Variants in SEC23IP observed in about 807,000 individuals in gnomAD.
SEC23IP encodes the protein SEC23-interacting protein.
A neutral mutation model predicts 113.4 loss-of-function variants in SEC23IP; 70 were observed. That is an observed-to-expected ratio of 0.62 (90% CI 0.51 to 0.75). The LOEUF is 0.75. SEC23IP is among the 30% of genes least tolerant of loss of function. The probability of loss-of-function intolerance (pLI) is 0.00; values close to 1 mark genes in which losing one functional copy is unlikely to be tolerated. For missense variants in SEC23IP, 1,160 were observed against 1,204.9 expected (o/e 0.96, Z 0.55); for synonymous variants, 398 against 421.0 (o/e 0.95, Z 0.67).
chr10:119,898,118 T>C (rs1037019572), intron 1 of SEC23IP: 2 of 210,544 alleles, frequency 9.5e-6, no homozygotes, highest in Non-Finnish European at 1.9e-5. Context: ...TTGTATTTAT[T>C]TTAGAAGTAT....
At chr10:119,901,121 C>T (rs1854486170) in intron 2 of SEC23IP, among the ~76,000 whole-genome samples, 1 of 149,518 alleles carries the variant, frequency 6.7e-6, no homozygotes, top group Non-Finnish European at 1.5e-5. Flanking sequence ...TTGAACTACA[C>T]TTCAGCCTCA....
chr10:119,895,277 G>T (rs888661996), intron 1 of SEC23IP, among the ~76,000 whole-genome samples: 1 of 152,108 alleles, frequency 6.6e-6, no homozygotes, highest in African/African-American at 2.4e-5. Flanking sequence ...CCAGCTACTC[G>T]GGAGGCTGAG....
chr10:119,919,389 A>G, intron 10 of SEC23IP, 55 bp from the exon 11 acceptor site: 2 of 1,491,456 alleles, frequency 1.3e-6, no homozygotes, highest in Non-Finnish European at 1.8e-6. Flanking sequence ...ATCAGCAGTC[A>G]TTATATGGGA....
At chr10:119,899,354 G>T (rs1854402263) in intron 2 of SEC23IP, among the ~76,000 whole-genome samples, 1 of 152,162 alleles carries the variant, frequency 6.6e-6, no homozygotes, top group South Asian at 2.1e-4. Context: ...GACTAAAATT[G>T]ATTACTTCAG....
chr10:119,916,109 T>A (rs1855044753), intron 8 of SEC23IP, among the ~76,000 whole-genome samples: 1 of 152,188 alleles, frequency 6.6e-6, no homozygotes, highest in South Asian at 2.1e-4. Flanking sequence ...TTAAGAAATT[T>A]TAGCTGGTTT....
At chr10:119,931,571 G>C (rs907416846) in intron 15 of SEC23IP, among the ~76,000 whole-genome samples, 6 of 112,100 alleles carry the variant, frequency 5.4e-5, no homozygotes, top group Admixed American at 9.5e-5. Context: ...TTTTTTTTTT[G>C]AGTCGGAGTC....
chr10:119,929,327 G>A (rs534765563), intron 13 of SEC23IP, among the ~76,000 whole-genome samples: 125 of 152,148 alleles, frequency 8.2e-4, no homozygotes, highest in African/African-American at 2.9e-3. Flanking sequence ...TCCACCTCCC[G>A]GGTTCAAGCG....
intron 4 of SEC23IP, among the ~76,000 whole-genome samples, chr10:119,906,283 G>GA (rs59914110): frequency 5.2e-4 from 60 of 114,812 alleles, no homozygotes; most frequent in Non-Finnish European, 7.3e-4. Context: ...CCTTGTCTCA[G>GA]AAAAAAAAAA....
chr10:119,909,829 G>C (rs530257409), intron 5 of SEC23IP, among the ~76,000 whole-genome samples: 10 of 152,200 alleles, frequency 6.6e-5, no homozygotes, highest in African/African-American at 2.4e-4. Flanking sequence ...GTTTGAGATT[G>C]TAGTGAGCTG....
At chr10:119,931,305 C>T (rs1042592625) in intron 15 of SEC23IP, among the ~76,000 whole-genome samples, 24 of 148,792 alleles carry the variant, frequency 1.6e-4, no homozygotes, top group Non-Finnish European at 3.6e-4. Context: ...CTCAAAACCA[C>T]TTCCTGTTTA....
rs1053360160 is a variant in SEC23IP at position 119,922,208 on chromosome 10, T to C, written c.2121+1224T>C. Among the ~76,000 whole-genome samples the C allele has an allele frequency of 3.3e-5, 5 of 152,228 alleles. No homozygotes were observed. The East Asian group carries it at 9.7e-4, about 29-fold the overall frequency. ...CATGGGGTTGGTGAGAGAAGACTTCTCCAAGGTGATGGTGCTTGAGCTTGA... is the reference window on the plus strand; with the variant it reads ...CATGGGGTTGGTGAGAGAAGACTTCCCCAAGGTGATGGTGCTTGAGCTTGA... On this transcript the variant is annotated intron_variant, in intron 12 of 18. Transcript: ENST00000369075.
chr10:119,901,046 G>GT (rs901461294), intron 2 of SEC23IP, among the ~76,000 whole-genome samples: 1 of 118,912 alleles, frequency 8.4e-6, no homozygotes, highest in Non-Finnish European at 1.8e-5. Context: ...TTAAAGAGTG[G>GT]GGGGGGGGTC....
chr10:119,907,535 A>G (rs781596711), intron 4 of SEC23IP, among the ~76,000 whole-genome samples: 44 of 152,198 alleles, frequency 2.9e-4, no homozygotes, highest in Non-Finnish European at 5.0e-4. Context: ...TCTCTCCCCA[A>G]GAGGTCCTCA....
At chr10:119,924,426 CTT>C (rs35657557) in intron 12 of SEC23IP, among the ~76,000 whole-genome samples, 8,252 of 146,546 alleles carry the variant, frequency 0.056, 427 homozygotes, top group South Asian at 0.28. Context: ...GAGATAACAC[CTT>C]TTTTTTTTTT....
chr10:119,932,318 G>C lies in SEC23IP; in HGVS notation c.2758G>C (p.Ala920Pro). ...KEEEEKQVVE[A>P]EKVVESPDFS... ...AGAAGAAGAAAAGCAAGTAGTTGAA[G>C]GTAAATTTGACATTTGAGGCATTTT... The change falls in exon 16 of 19, where the codon GCA (alanine) becomes CCA (proline). Residue 920 changes from alanine (A) to proline (P), a missense_variant and splice_region_variant. By Grantham distance (27) the Ala-to-Pro change is conservative. Transcript: ENST00000369075. 1 of 1,605,870 alleles carries C rather than the reference G, an allele frequency of 6.2e-7. No homozygotes were observed. The highest frequency in any genetic ancestry group is 1.1e-5 in the South Asian group (1 of 90,070).
chr10:119,931,199 G>A (rs1855586843), intron 15 of SEC23IP, among the ~76,000 whole-genome samples: 1 of 148,574 alleles, frequency 6.7e-6, no homozygotes, highest in Admixed American at 6.8e-5. Flanking sequence ...TTCTCCACTT[G>A]AACCTGGGAG....
chr10:119,938,126 T>TAA (rs71019734), intron 18 of SEC23IP, among the ~76,000 whole-genome samples: 22 of 138,712 alleles, frequency 1.6e-4, no homozygotes, highest in South Asian at 9.0e-4. Flanking sequence ...CCTCGTCTCT[T>TAA]AAAAAAAAAA....
chr10:119,942,272 A>T lies in SEC23IP; in HGVS notation c.*1707A>T, dbSNP rs1018994946. 6.6e-6 allele frequency: 1 copy of T among 152,152 alleles called. No individual in the cohort carries two copies. The highest frequency in any genetic ancestry group is 2.4e-5 in the African/African-American group (1 of 41,426). The allele number at this position is 152,152 out of a possible 1,614,324, so 9.4% of individuals were successfully genotyped here. On this transcript the variant is annotated 3_prime_UTR_variant, in exon 19 of 19. Transcript: ENST00000369075. ...TCTTGCCCTTTCATTTTAATACTTG[A>T]GTACACAGAAAATAGAATTTTTGAG...
intron 9 of SEC23IP, 132 bp from the exon 10 acceptor site, chr10:119,918,261 A>C (rs367954919): frequency 1.5e-6 from 1 of 686,688 alleles, no homozygotes. Context: ...CTGCTGTTTG[A>C]TAAAATAATT....
Sources: gnomAD v4.1 joint callset for allele counts (sites outside exome capture counted in the v4.1 genomes callset) on GRCh38, gnomAD v4.1.1 for gene constraint, MANE v1.5 for transcripts, NCBI Gene and HGNC (gene_info 2026-07-23, HGNC 2026-07-21) for gene names.